Variants in DST observed in about 807,000 individuals in gnomAD.
DST encodes dystonin, also known as bullous pemphigoid antigen.
DST carries 253 observed loss-of-function variants against 875.2 expected under a neutral mutation model. The ratio of observed to expected loss-of-function variants is 0.29; its 90% CI spans 0.26 to 0.32. The LOEUF is 0.32. Among genes scored for constraint, DST ranks in the 10% least tolerant of loss-of-function variants. DST has a pLI of 1.00. For synonymous variants in DST, 3,124 were observed against 3,197.1 expected (o/e 0.98, Z 0.77); for missense variants, 8,287 against 9,111.6 (o/e 0.91, Z 3.68).
chr6:56,606,936 C>T lies in DST; in HGVS notation c.7692G>A (p.Gly2564=), dbSNP rs1476909401. The change falls in exon 40 of 104, where the codon GGG becomes GGA. Residue 2564 remains glycine (G), a synonymous_variant. Transcript: ENST00000680361. ...ACACAATGGCATTATCAGTATCACCCCCTGGAGTCACAGCACAGGAATACT... is the reference window on the plus strand; with the variant it reads ...ACACAATGGCATTATCAGTATCACCTCCTGGAGTCACAGCACAGGAATACT... ...IEEYSCAVTP[G]GDTDNAIVSL... is the part of the protein sequence containing the mutation. The T allele has an allele frequency of 6.2e-7, 1 of 1,613,424 alleles. No individual in the cohort carries two copies. Among genetic ancestry groups the T allele is most frequent in the Admixed American group, 1.7e-5 (1 of 59,934 alleles).
chr6:56,651,026 T>A lies in DST; in HGVS notation c.1334A>T (p.Asp445Val), dbSNP rs2098972685. Residue 445 changes from aspartate to valine, a missense_variant, in exon 12 of 104, where the codon GAT becomes GTT. Around this residue, in one of 10 missense-constraint regions of DST, gnomAD observed 1,160 missense variants for 1,424.3 expected, o/e 0.81. Transcript: ENST00000680361. ...VIRLLDPEDVDVSSPDEKSVI... is the reference protein window; with the variant it reads ...VIRLLDPEDVVVSSPDEKSVI... Reference sequence around the variant, plus strand: ...TGATTTTTCATCAGGTGAGGAGACATCGACATCTAAAAACAGCAACATAAA... The same window carrying A: ...TGATTTTTCATCAGGTGAGGAGACAACGACATCTAAAAACAGCAACATAAA... 2 of 1,608,730 alleles carry A rather than the reference T, an allele frequency of 1.2e-6. No homozygotes were observed. Among genetic ancestry groups the A allele is most frequent in the Non-Finnish European group, 1.7e-6 (2 of 1,175,836 alleles).
chr6:56,502,849 T>G (rs115724365), intron 78 of DST, among the ~76,000 whole-genome samples: 3,841 of 152,248 alleles, frequency 0.025, 73 homozygotes, highest in Non-Finnish European at 0.043. Flanking sequence ...AGATAATATT[T>G]TCACATAAAA....
At chr6:56,820,183 T>C (rs530111639) in intron 4 of DST, among the ~76,000 whole-genome samples, 4 of 152,334 alleles carry the variant, frequency 2.6e-5, no homozygotes, top group East Asian at 1.9e-4. Context: ...GATTCAACTA[T>C]AGCAACTGCA....
intron 5 of DST, among the ~76,000 whole-genome samples, chr6:56,712,105 A>AAAAAAAAAAAAAAAAAAAAAAAAAAAT (rs1563813928): frequency 1.3e-5 from 2 of 150,570 alleles, no homozygotes; most frequent in Non-Finnish European, 1.5e-5. Context: ...AAAAAAAAAA[A>AAAAAAAAAAAAAAAAAAAAAAAAAAAT]ATAGGAGGAG....
chr6:56,509,604 A>C (rs2096425225), intron 74 of DST, 38 bp downstream of exon 74: 2 of 1,499,090 alleles, frequency 1.3e-6, no homozygotes, highest in East Asian at 4.5e-5. Flanking sequence ...AACATTTAGA[A>C]TGCTTTAAAA....
chr6:56,774,066 A>G (rs903924901), intron 4 of DST, among the ~76,000 whole-genome samples: 1 of 147,066 alleles, frequency 6.8e-6, no homozygotes, highest in Admixed American at 6.8e-5. Flanking sequence ...GTGAGCTGAG[A>G]TGGCACCACT....
At chr6:56,863,474 C>T (rs924122402) in intron 3 of DST, among the ~76,000 whole-genome samples, 101 of 152,218 alleles carry the variant, frequency 6.6e-4, no homozygotes, top group Non-Finnish European at 1.1e-3. Context: ...TCACAGTGCC[C>T]ATCACAGGGC....
At chr6:56,646,999 C>T (rs1344721809) in intron 13 of DST, among the ~76,000 whole-genome samples, 1 of 152,142 alleles carries the variant, frequency 6.6e-6, no homozygotes, top group Non-Finnish European at 1.5e-5. Flanking sequence ...GGCATTTCCC[C>T]ATGATGTATT....
chr6:56,780,875 C>A (rs2099692140), intron 4 of DST, among the ~76,000 whole-genome samples: 1 of 152,138 alleles, frequency 6.6e-6, no homozygotes, highest in Admixed American at 6.5e-5. Flanking sequence ...ACGTTTAAGT[C>A]TTTAATCCAT....
At chr6:56,909,366 T>C (rs920865551) in intron 2 of DST, among the ~76,000 whole-genome samples, 7 of 152,280 alleles carry the variant, frequency 4.6e-5, no homozygotes, top group African/African-American at 1.7e-4. Context: ...AAGCCATTTC[T>C]GGACCTAGCA....
At chr6:56,482,317 T>A in intron 89 of DST, 139 bp from the exon 90 acceptor site, 1 of 975,722 alleles carries the variant, frequency 1.0e-6, no homozygotes, top group Non-Finnish European at 1.4e-6. Context: ...TTACTCCCAT[T>A]AAGAAGATAG....
chr6:56,719,670 G>A (rs914051737), intron 5 of DST, among the ~76,000 whole-genome samples: 3 of 152,166 alleles, frequency 2.0e-5, no homozygotes, highest in African/African-American at 7.2e-5. Context: ...TTTCACGTAG[G>A]TTCTTTTCTA....
intron 30 of DST, 35 bp downstream of exon 30, chr6:56,631,176 G>A (rs1218899849): frequency 8.0e-7 from 1 of 1,243,058 alleles, no homozygotes; most frequent in South Asian, 1.9e-5. Flanking sequence ...AGAGTTGTAT[G>A]AAGCAATTTA....
At chr6:56,514,576 TATACACACAC>T (rs1312691217) in intron 72 of DST, among the ~76,000 whole-genome samples, 6 of 107,238 alleles carry the variant, frequency 5.6e-5, no homozygotes, top group Admixed American at 1.1e-4. Context: ...GGCACAGGCG[TATACACACAC>T]ACACACACAC....
intron 92 of DST, chr6:56,474,411 G>C (rs1036421264): frequency 6.3e-6 from 1 of 158,756 alleles, no homozygotes; most frequent in African/African-American, 2.4e-5. Flanking sequence ...TTGAACCTGG[G>C]AGGCAGAGGT....
intron 4 of DST, among the ~76,000 whole-genome samples, chr6:56,830,436 A>C (rs2099785625): frequency 6.6e-6 from 1 of 152,202 alleles, no homozygotes; most frequent in Admixed American, 6.5e-5. Flanking sequence ...CATTTTGTCT[A>C]CTTTTGTCCA....
At chr6:56,519,325 C>T (rs1054366605) in intron 69 of DST, among the ~76,000 whole-genome samples, 2 of 152,146 alleles carry the variant, frequency 1.3e-5, no homozygotes, top group East Asian at 1.9e-4. Context: ...AAAATGGTTG[C>T]TCCACTCACA....
intron 62 of DST, among the ~76,000 whole-genome samples, 164 bp from the exon 63 acceptor site, chr6:56,535,456 T>G (rs548890993): frequency 1.3e-5 from 2 of 152,312 alleles, no homozygotes; most frequent in African/African-American, 4.8e-5. Context: ...AGGATAGCAG[T>G]GAAAAGGAGA....
At chr6:56,524,260 A>T (rs79121715) in intron 69 of DST, among the ~76,000 whole-genome samples, 1 of 151,544 alleles carries the variant, frequency 6.6e-6, no homozygotes, top group Admixed American at 6.6e-5. Context: ...ACAGGTACCT[A>T]CTACTCTATT....
Sources: gnomAD v4.1 joint callset for allele counts (sites outside exome capture counted in the v4.1 genomes callset) on GRCh38, gnomAD v4.1.1 for gene constraint, gnomAD v4.1.1 regional missense constraint, MANE v1.5 for transcripts, NCBI Gene and HGNC (gene_info 2026-07-23, HGNC 2026-07-21) for gene names.